Variants in OSBPL9 observed in about 807,000 individuals in gnomAD.
OSBPL9 encodes oxysterol-binding protein-related protein 9.
A neutral mutation model predicts 106.6 loss-of-function variants in OSBPL9; 40 were observed. That is an observed-to-expected ratio of 0.38 (90% confidence interval 0.29 to 0.49). OSBPL9 has a LOEUF of 0.49. OSBPL9 is among the 20% of genes least tolerant of loss of function. OSBPL9 has a pLI of 0.97. For missense variants in OSBPL9, 609 were observed against 887.2 expected, an observed-to-expected ratio of 0.69 and a Z score of 3.98; for synonymous variants, 269 against 295.4, an observed-to-expected ratio of 0.91 and a Z score of 0.92.
intron 1 of OSBPL9, among the ~76,000 whole-genome samples, chr1:51,641,818 C>G (rs1260027540): frequency 6.6e-6 from 1 of 152,090 alleles, no homozygotes; most frequent in Non-Finnish European, 1.5e-5. Context: ...TTTAGATCTA[C>G]AGAATAAATT....
At chr1:51,617,500 C>A (rs1281514225) in intron 1 of OSBPL9, among the ~76,000 whole-genome samples, 1 of 151,998 alleles carries the variant, frequency 6.6e-6, no homozygotes, top group Non-Finnish European at 1.5e-5. Flanking sequence ...GTAGTGGGGT[C>A]CAGCATGGTT....
At position 51,729,931 on chromosome 1, in the gene OSBPL9, C is replaced by T. The variant is rs746724241; in HGVS notation, c.319-15605C>T. On this transcript the variant is annotated intron_variant, in intron 4 of 23. Coordinates refer to ENST00000428468, the MANE Select transcript of OSBPL9 (RefSeq NM_024586.6). This position sits in a 1 kb window ranked among gnomAD's most constrained non-coding sequence, Gnocchi z 5.1. ...AAAAAGGGGTGCTCGGGAGCAGCCC[C>T]CGGCTACCTCCCCTGGAGGCACAGA... 2.3e-6 allele frequency: 3 copies of T among 1,306,612 alleles called. No homozygotes were observed. Among genetic ancestry groups the T allele is most frequent in the African/African-American group, 3.0e-5 (2 of 66,398 alleles). 80.9% of individuals were successfully genotyped at this position (1,306,612 alleles called of 1,614,324 possible).
At chr1:51,711,966 CG>C (rs1660098814) in intron 3 of OSBPL9, among the ~76,000 whole-genome samples, 1 of 148,986 alleles carries the variant, frequency 6.7e-6, no homozygotes, top group Admixed American at 6.7e-5. Context: ...ACATCCCAGA[CG>C]ATGGGCGGCC....
intron 3 of OSBPL9, among the ~76,000 whole-genome samples, chr1:51,674,342 A>G (rs1650665982): frequency 6.6e-6 from 1 of 152,098 alleles, no homozygotes; most frequent in African/African-American, 2.4e-5. Flanking sequence ...CTATGTTGCC[A>G]GGGCTGGTCT....
intron 3 of OSBPL9, among the ~76,000 whole-genome samples, chr1:51,674,807 A>G (rs1373726574): frequency 1.3e-5 from 2 of 152,256 alleles, no homozygotes; most frequent in Non-Finnish European, 2.9e-5. Flanking sequence ...AACATACTCT[A>G]TAGCAGGGCA....
upstream of OSBPL9, among the ~76,000 whole-genome samples, chr1:51,575,616 G>A (rs767078640): frequency 1.3e-5 from 2 of 152,082 alleles, no homozygotes; most frequent in South Asian, 2.1e-4. Flanking sequence ...TATTACTCAC[G>A]TCTGATGACT....
intron 1 of OSBPL9, among the ~76,000 whole-genome samples, chr1:51,632,689 A>G (rs1557612530): frequency 6.6e-6 from 1 of 152,178 alleles, no homozygotes; most frequent in African/African-American, 2.4e-5. Flanking sequence ...ACCAGATACT[A>G]AAGTCTCAGA....
chr1:51,628,123 CTA>C (rs1029836921), intron 1 of OSBPL9, among the ~76,000 whole-genome samples: 2 of 149,350 alleles, frequency 1.3e-5, no homozygotes, highest in Admixed American at 6.7e-5. Flanking sequence ...AAGAGTCAAA[CTA>C]TAGTGAAAGG....
chr1:51,751,843 A>G (rs550897983), intron 8 of OSBPL9, among the ~76,000 whole-genome samples: 4 of 152,312 alleles, frequency 2.6e-5, no homozygotes, highest in Admixed American at 2.6e-4. Context: ...TTTTTAGTGT[A>G]ATTTGTACTT....
chr1:51,783,093 T>A lies in OSBPL9; in HGVS notation c.1513+450T>A, dbSNP rs541934990. Among the ~76,000 whole-genome samples the A allele has an allele frequency of 3.9e-5, 6 of 152,324 alleles. No individual in the cohort carries two copies. The East Asian group carries it at 1.2e-3, about 29-fold the overall frequency. ...CACACCCTCCTGTATACTTGAGTCA[T>A]CTCTAGATTACTTATAATACCTAAT... On this transcript the variant is annotated intron_variant, in intron 17 of 23. Coordinates refer to ENST00000428468, the MANE Select transcript of OSBPL9 (RefSeq NM_024586.6).
At chr1:51,677,425 G>C (rs901966340) in intron 3 of OSBPL9, among the ~76,000 whole-genome samples, 4 of 152,172 alleles carry the variant, frequency 2.6e-5, no homozygotes, top group Non-Finnish European at 5.9e-5. Flanking sequence ...TATTAGGCAT[G>C]TCTTGCCTTA....
intron 4 of OSBPL9, among the ~76,000 whole-genome samples, chr1:51,730,588 T>C (rs1664163167): frequency 6.6e-6 from 1 of 152,198 alleles, no homozygotes; most frequent in South Asian, 2.1e-4. Context: ...TGGTATAGTT[T>C]TATGGGGTTC....
At chr1:51,597,416 T>C (rs1269083137) in intron 1 of OSBPL9, among the ~76,000 whole-genome samples, 2 of 96,784 alleles carry the variant, frequency 2.1e-5, no homozygotes, top group Non-Finnish European at 5.0e-5. Context: ...TGTGTATATA[T>C]ATATATATGT....
intron 8 of OSBPL9, among the ~76,000 whole-genome samples, chr1:51,752,070 C>T (rs768074045): frequency 2.4e-4 from 37 of 151,938 alleles, no homozygotes; most frequent in Non-Finnish European, 4.7e-4. Context: ...TAAATGAGAC[C>T]GTGTCACTTG....
chr1:51,728,937 G>A (rs1179111029), intron 4 of OSBPL9, among the ~76,000 whole-genome samples: 1 of 152,108 alleles, frequency 6.6e-6, no homozygotes, highest in Non-Finnish European at 1.5e-5. Context: ...GAAAGGGGGC[G>A]GGATAGGAAG....
chr1:51,548,810 G>A, the OSBPL9 span, among the ~76,000 whole-genome samples: 1 of 152,156 alleles, frequency 6.6e-6, no homozygotes, highest in South Asian at 2.1e-4. Context: ...TGTAAACAAG[G>A]ATTACAAAAT....
At chr1:51,743,531 G>T (rs1667365805) in intron 4 of OSBPL9, among the ~76,000 whole-genome samples, 1 of 152,074 alleles carries the variant, frequency 6.6e-6, no homozygotes, top group African/African-American at 2.4e-5. Flanking sequence ...AATTCTAAAT[G>T]GATTCAGAAG....
chr1:51,731,487 A>T (rs921819244), intron 4 of OSBPL9, among the ~76,000 whole-genome samples: 1 of 151,924 alleles, frequency 6.6e-6, no homozygotes, highest in Non-Finnish European at 1.5e-5. Flanking sequence ...AGGCGGGCGC[A>T]GTAGCTCACG....
intron 1 of OSBPL9, among the ~76,000 whole-genome samples, chr1:51,637,546 AT>A (rs879833505): frequency 6.6e-6 from 1 of 152,260 alleles, no homozygotes; most frequent in Non-Finnish European, 1.5e-5. Flanking sequence ...CATTGTGAGA[AT>A]TAAATAAAAT....
Sources: allele counts gnomAD v4.1 joint callset (sites outside exome capture counted in the v4.1 genomes callset), GRCh38; gene constraint gnomAD v4.1.1; non-coding constraint Gnocchi (gnomAD v3.1); transcripts MANE v1.5; gene names NCBI Gene and HGNC (gene_info 2026-07-23, HGNC 2026-07-21).